Variants in CAST observed in about 807,000 individuals in gnomAD.
The protein encoded by CAST is MIR583 host.
Under a neutral mutation model 119.6 loss-of-function variants are expected in CAST, and 76 were observed. The ratio of observed to expected loss-of-function variants is 0.64; its 90% CI spans 0.53 to 0.77. The LOEUF (loss-of-function observed/expected upper bound fraction) is 0.77, where lower values mean the gene tolerates loss of function less well. Among genes scored for constraint, CAST ranks in the 30% least tolerant of loss-of-function variants. The probability of loss-of-function intolerance (pLI) is 0.00; values close to 1 mark genes in which losing one functional copy is unlikely to be tolerated. For missense variants in CAST, 953 were observed against 946.5 expected, an observed-to-expected ratio of 1.01 and a Z score of -0.09; for synonymous variants, 319 against 331.6, an observed-to-expected ratio of 0.96 and a Z score of 0.41.
chr5:96,103,219 T>C, the CAST span, among the ~76,000 whole-genome samples: 1 of 152,114 alleles, frequency 6.6e-6, no homozygotes, highest in African/African-American at 2.4e-5. Context: ...ATTATTATAC[T>C]TTAAGTTTTA....
chr5:96,064,856 A>G, the CAST span, among the ~76,000 whole-genome samples: 1 of 152,172 alleles, frequency 6.6e-6, no homozygotes, highest in African/African-American at 2.4e-5. Context: ...TTATGCTACT[A>G]TATTATTTCT....
the CAST span, among the ~76,000 whole-genome samples, chr5:96,488,313 T>C: frequency 6.6e-6 from 1 of 152,030 alleles, no homozygotes; most frequent in African/African-American, 2.4e-5. Flanking sequence ...TCCTGCATGA[T>C]AAAAAGTCAC....
chr5:96,299,276 C>T, the CAST span, among the ~76,000 whole-genome samples: 9 of 149,514 alleles, frequency 6.0e-5, no homozygotes, highest in African/African-American at 2.3e-4. Context: ...ACAACAACAA[C>T]AACAACAACA....
At chr5:96,500,643 G>C in the CAST span, among the ~76,000 whole-genome samples, 1 of 152,134 alleles carries the variant, frequency 6.6e-6, no homozygotes, top group Non-Finnish European at 1.5e-5. Context: ...ACACAGGAAG[G>C]CTAATTTCTC....
upstream of CAST, among the ~76,000 whole-genome samples, chr5:96,660,814 G>C (rs1391094669): frequency 1.3e-5 from 2 of 151,964 alleles, no homozygotes; most frequent in Non-Finnish European, 2.9e-5. Flanking sequence ...GAATGTAACC[G>C]ATGCCAACAA....
chr5:96,148,783 T>A, the CAST span, among the ~76,000 whole-genome samples: 5 of 152,230 alleles, frequency 3.3e-5, no homozygotes, highest in Non-Finnish European at 7.3e-5. Context: ...GGTGAAGAAA[T>A]GCCTAACTAT....
chr5:96,582,789 C>T (rs1288253073), intron 1 of CAST, among the ~76,000 whole-genome samples: 2 of 152,072 alleles, frequency 1.3e-5, no homozygotes, highest in African/African-American at 4.8e-5. Flanking sequence ...AAAACACATT[C>T]AATGGAATAT....
At chr5:96,439,610 G>T in the CAST span, among the ~76,000 whole-genome samples, 1 of 152,180 alleles carries the variant, frequency 6.6e-6, no homozygotes, top group African/African-American at 2.4e-5. Flanking sequence ...CCAGCAAAGA[G>T]ACTGAGGGTG....
chr5:96,129,554 A>T, the CAST span, among the ~76,000 whole-genome samples: 1 of 152,156 alleles, frequency 6.6e-6, no homozygotes, highest in East Asian at 1.9e-4. Context: ...TCACTGCTTT[A>T]TTGAGAAGAA....
In CAST at chr5:96,767,474, G is replaced by A. The variant is rs1770405328; in HGVS notation, c.2167G>A (p.Asp723Asn). The A allele has an allele frequency of 1.6e-5, 25 of 1,612,402 alleles. No individual in the cohort carries two copies. The East Asian group carries it at 5.6e-4, about 36-fold the overall frequency. Residue 723 changes from aspartate to asparagine, a missense_variant, in exon 28 of 32, where the codon GAT becomes AAT. By Grantham distance (23) the Asp-to-Asn change is conservative. Coordinates refer to ENST00000675179, the MANE Select transcript of CAST (RefSeq NM_001750.7). ...GAAGCCACCTACAAAGAAATCAGAGGATTCAAAGGTAAAGACCATAGGAAC... is the reference window on the plus strand; with the variant it reads ...GAAGCCACCTACAAAGAAATCAGAGAATTCAAAGGTAAAGACCATAGGAAC... ...PVKPPTKKSE[D>N]SKKPADDQDP... is the part of the protein sequence containing the mutation.
At chr5:96,443,739 A>G in the CAST span, among the ~76,000 whole-genome samples, 1 of 152,212 alleles carries the variant, frequency 6.6e-6, no homozygotes, top group African/African-American at 2.4e-5. Flanking sequence ...GGCATCATTG[A>G]TATACATGAA....
chr5:95,961,668 C>A, the CAST span: 2 of 1,609,144 alleles, frequency 1.2e-6, no homozygotes, highest in African/African-American at 1.3e-5. Flanking sequence ...GCCGTCCGCA[C>A]GACAGCCCAT....
At chr5:95,962,932 A>G in the CAST span, among the ~76,000 whole-genome samples, 9 of 152,288 alleles carry the variant, frequency 5.9e-5, no homozygotes, top group African/African-American at 2.2e-4. Context: ...GGCCTGGCAT[A>G]CTTTCCATTC....
At chr5:96,409,606 C>T in the CAST span, among the ~76,000 whole-genome samples, 1 of 152,172 alleles carries the variant, frequency 6.6e-6, no homozygotes, top group East Asian at 1.9e-4. Flanking sequence ...AAGGAACAGT[C>T]TGTGAAATGG....
chr5:96,714,271 C>A (rs1756792840), intron 3 of CAST, among the ~76,000 whole-genome samples: 1 of 152,208 alleles, frequency 6.6e-6, no homozygotes, highest in African/African-American at 2.4e-5. Context: ...GGCCTCAGGT[C>A]TATGGGACTC....
the CAST span, among the ~76,000 whole-genome samples, chr5:96,047,216 A>G: frequency 2.6e-5 from 4 of 152,324 alleles, no homozygotes; most frequent in African/African-American, 9.6e-5. Flanking sequence ...AAGCCTCAAG[A>G]ATCATCATTT....
the CAST span, among the ~76,000 whole-genome samples, chr5:96,054,815 G>T: frequency 2.0e-5 from 3 of 152,100 alleles, no homozygotes; most frequent in African/African-American, 7.2e-5. Flanking sequence ...CTGCACTGTG[G>T]TGTGTGAAGA....
At chr5:96,506,340 G>A in the CAST span, among the ~76,000 whole-genome samples, 1 of 152,324 alleles carries the variant, frequency 6.6e-6, no homozygotes, top group Admixed American at 6.5e-5. Context: ...CTAAGCTGAG[G>A]CACCAAGTAT....
At chr5:96,467,898 G>GA in the CAST span, among the ~76,000 whole-genome samples, 2 of 151,842 alleles carry the variant, frequency 1.3e-5, no homozygotes, top group Non-Finnish European at 2.9e-5. Context: ...CTACCCAAAG[G>GA]AAAAAAAGTC....
Sources: gnomAD v4.1 joint callset for allele counts (sites outside exome capture counted in the v4.1 genomes callset) on GRCh38, gnomAD v4.1.1 for gene constraint, MANE v1.5 for transcripts, NCBI Gene and HGNC (gene_info 2026-07-23, HGNC 2026-07-21) for gene names.